The following CTNNA2 variants were observed in gnomAD, a reference collection of about 807,000 sequenced individuals.
The protein encoded by CTNNA2 is catenin alpha-2.
CTNNA2 carries 42 observed loss-of-function variants against 101.0 expected under a neutral mutation model. The observed-to-expected ratio is 0.42, with a 90% CI of 0.32 to 0.54. CTNNA2 has a LOEUF of 0.54. CTNNA2 is among the 20% of genes least tolerant of loss of function. The pLI, the probability that CTNNA2 is intolerant of heterozygous loss-of-function variation, is 0.14. For synonymous variants in CTNNA2, 450 were observed against 456.4 expected (o/e 0.99, Z 0.18); for missense variants, 871 against 1,223.1 (o/e 0.71, Z 4.29).
chr2:79,654,324 A>G lies in CTNNA2; in HGVS notation c.102+2666A>G, dbSNP rs77574255. On this transcript the variant is annotated intron_variant, in intron 2 of 18. Coordinates refer to ENST00000402739, the MANE Select transcript of CTNNA2 (RefSeq NM_001282597.3). The stretch of plus-strand genomic sequence containing the variant: ...TTTCACAAATGTATTAGCTTAATAT[A>G]AAACACATTTATTGTATAGTCCTGG... 4.3e-3 allele frequency among the ~76,000 whole-genome samples: 660 copies of G among 152,276 alleles called. 27 individuals carry two copies. The South Asian group carries it at 0.069, about 16-fold the overall frequency.
chr2:79,320,971 C>T (rs1158144278), intron 3 of CTNNA2, among the ~76,000 whole-genome samples: 3 of 152,138 alleles, frequency 2.0e-5, no homozygotes, highest in Non-Finnish European at 2.9e-5. Flanking sequence ...TGTAACTTTT[C>T]TTCACTGATT....
chr2:79,989,945 G>A (rs1162376650), intron 7 of CTNNA2, among the ~76,000 whole-genome samples: 1 of 151,920 alleles, frequency 6.6e-6, no homozygotes, highest in Non-Finnish European at 1.5e-5. Context: ...GAAATTCGGA[G>A]TTTGGTCTTC....
At chr2:80,097,753 A>T (rs896280889) in intron 7 of CTNNA2, among the ~76,000 whole-genome samples, 2 of 151,872 alleles carry the variant, frequency 1.3e-5, no homozygotes, top group African/African-American at 4.8e-5. Flanking sequence ...CATTTCATTC[A>T]TTTCGTCTTC....
chr2:80,144,513 A>G, intron 7 of CTNNA2, among the ~76,000 whole-genome samples: 1 of 152,218 alleles, frequency 6.6e-6, no homozygotes, highest in Non-Finnish European at 1.5e-5. Flanking sequence ...GCTGCTCACC[A>G]GTCACTTCTT....
intron 7 of CTNNA2, among the ~76,000 whole-genome samples, chr2:80,345,431 T>G (rs73938278): frequency 0.026 from 4,029 of 152,268 alleles, 117 homozygotes; most frequent in African/African-American, 0.066. Context: ...CTTCCTTGTC[T>G]GTACTGTTCT....
At chr2:80,114,184 A>G (rs1337037336) in intron 7 of CTNNA2, among the ~76,000 whole-genome samples, 4 of 152,206 alleles carry the variant, frequency 2.6e-5, no homozygotes, top group Non-Finnish European at 5.9e-5. Flanking sequence ...CTCAGAGAAG[A>G]TGAAAAATAT....
rs114868865 is a variant in CTNNA2, at chr2:80,525,133, A to G, written c.1291-19849A>G. ...GAGTGAATGAAGCAGAAGACAAGCA[A>G]TGTCTTCTCACTCTTTCCTCCTCTG... On this transcript the variant is annotated intron_variant, in intron 9 of 18. Coordinates refer to ENST00000402739, the MANE Select transcript of CTNNA2 (RefSeq NM_001282597.3). Among the ~76,000 whole-genome samples the G allele has an allele frequency of 5.3e-3, 806 of 151,712 alleles. 6 individuals are homozygous for G. Among genetic ancestry groups the G allele is most frequent in the African/African-American group, 0.019 (770 of 41,340 alleles).
intron 3 of CTNNA2, among the ~76,000 whole-genome samples, chr2:79,356,611 G>A (rs1430288878): frequency 6.6e-6 from 1 of 152,188 alleles, no homozygotes. Flanking sequence ...GCAAGCCAGA[G>A]TTAGATAAAT....
At chr2:79,466,196 G>A (rs986193756) in intron 4 of CTNNA2, among the ~76,000 whole-genome samples, 19 of 152,146 alleles carry the variant, frequency 1.2e-4, no homozygotes, top group African/African-American at 3.4e-4. Flanking sequence ...CTAATACTGC[G>A]CTTTTCCAAT....
At chr2:79,989,970 A>C (rs1275068125) in intron 7 of CTNNA2, among the ~76,000 whole-genome samples, 5 of 152,174 alleles carry the variant, frequency 3.3e-5, no homozygotes, top group Non-Finnish European at 5.9e-5. Flanking sequence ...TCATACCCCT[A>C]GCAGCTGATG....
chr2:80,641,399 T>A (rs1673469679), intron 18 of CTNNA2, among the ~76,000 whole-genome samples: 1 of 152,188 alleles, frequency 6.6e-6, no homozygotes, highest in African/African-American at 2.4e-5. Flanking sequence ...ACATACAATG[T>A]GAAAATTGAT....
intron 4 of CTNNA2, among the ~76,000 whole-genome samples, chr2:79,489,442 G>T (rs1407372338): frequency 6.6e-6 from 1 of 152,102 alleles, no homozygotes; most frequent in African/African-American, 2.4e-5. Context: ...ATTTACACAA[G>T]AATAATGGCA....
intron 1 of CTNNA2, among the ~76,000 whole-genome samples, chr2:79,608,006 TAGTA>T (rs977835977): frequency 2.6e-4 from 39 of 151,826 alleles, no homozygotes; most frequent in African/African-American, 9.2e-4. Flanking sequence ...CTGATAAATT[TAGTA>T]AGTCTCTAGC....
At chr2:79,416,649 A>G (rs1254950155) in intron 4 of CTNNA2, among the ~76,000 whole-genome samples, 1 of 152,076 alleles carries the variant, frequency 6.6e-6, no homozygotes, top group Non-Finnish European at 1.5e-5. Flanking sequence ...TTACTTCCGG[A>G]AGGAATTAAT....
chr2:79,291,384 C>T (rs963198442), intron 2 of CTNNA2, among the ~76,000 whole-genome samples: 4 of 152,172 alleles, frequency 2.6e-5, no homozygotes, highest in Non-Finnish European at 1.5e-5. Context: ...TCCAGGAATT[C>T]TTCCATCTTC....
At chr2:80,552,394 T>TC (rs1692644600) in intron 11 of CTNNA2, among the ~76,000 whole-genome samples, 1 of 152,196 alleles carries the variant, frequency 6.6e-6, no homozygotes, top group Non-Finnish European at 1.5e-5. Flanking sequence ...TAGATTGTTT[T>TC]TAATAAAGTA....
At chr2:80,601,304 T>C (rs1697490092) in intron 15 of CTNNA2, among the ~76,000 whole-genome samples, 1 of 152,142 alleles carries the variant, frequency 6.6e-6, no homozygotes, top group Admixed American at 6.6e-5. Context: ...ATGAAATTAC[T>C]TTCCTTCTGA....
At chr2:80,225,354 C>T (rs941125343) in intron 7 of CTNNA2, among the ~76,000 whole-genome samples, 2 of 152,186 alleles carry the variant, frequency 1.3e-5, no homozygotes, top group Admixed American at 1.3e-4. Flanking sequence ...TCATTTGTGT[C>T]TCTGGGCACT....
chr2:80,036,898 T>C (rs895723134), intron 7 of CTNNA2, among the ~76,000 whole-genome samples: 1 of 151,556 alleles, frequency 6.6e-6, no homozygotes, highest in African/African-American at 2.4e-5. Flanking sequence ...AGGTGAAATC[T>C]CAATTAGGAG....
Sources: gnomAD v4.1 joint callset for allele counts (sites outside exome capture counted in the v4.1 genomes callset) on GRCh38, gnomAD v4.1.1 for gene constraint, MANE v1.5 for transcripts, NCBI Gene and HGNC (gene_info 2026-07-23, HGNC 2026-07-21) for gene names.